PCDH15: variants seen among roughly 807,000 people sequenced by gnomAD.
PCDH15 encodes the protein protocadherin-15.
In PCDH15, 129 loss-of-function variants were observed where a neutral mutation model predicts 178.5. The observed-to-expected ratio is 0.72, with a 90% CI of 0.63 to 0.84. The LOEUF (loss-of-function observed/expected upper bound fraction) is 0.84, where lower values mean the gene tolerates loss of function less well. Ranked by LOEUF, PCDH15 falls within the 40% of genes least tolerant of loss-of-function variation. The pLI is 0.00. For missense variants in PCDH15, 2,230 were observed against 2,099.9 expected, an observed-to-expected ratio of 1.06 and a Z score of -1.21; for synonymous variants, 800 against 732.0, an observed-to-expected ratio of 1.09 and a Z score of -1.50.
intron 3 of PCDH15, among the ~76,000 whole-genome samples, chr10:54,890,077 T>C (rs1396175296): frequency 1.3e-5 from 2 of 152,016 alleles, no homozygotes; most frequent in African/African-American, 2.4e-5. Context: ...TATATTCCCA[T>C]ATTGCACATA....
chr10:55,608,393 G>A (rs1589180932), intron 2 of PCDH15, among the ~76,000 whole-genome samples: 1 of 151,324 alleles, frequency 6.6e-6, no homozygotes, highest in Non-Finnish European at 1.5e-5. Context: ...CTGTGTTCCA[G>A]GACTCAAGAA....
At chr10:55,498,809 A>G (rs1347731933) in intron 2 of PCDH15, among the ~76,000 whole-genome samples, 1 of 151,796 alleles carries the variant, frequency 6.6e-6, no homozygotes, top group African/African-American at 2.4e-5. Context: ...ATGAGTTTGG[A>G]TAGGCTATCT....
At chr10:54,371,203 T>C (rs996000171) in intron 4 of PCDH15, among the ~76,000 whole-genome samples, 1 of 151,736 alleles carries the variant, frequency 6.6e-6, no homozygotes, top group Non-Finnish European at 1.5e-5. Flanking sequence ...TATCCTCCAA[T>C]TTGTAATAGA....
chr10:54,288,565 C>T (rs577638835), intron 8 of PCDH15, among the ~76,000 whole-genome samples: 52 of 152,238 alleles, frequency 3.4e-4, no homozygotes, highest in Admixed American at 9.1e-4. Flanking sequence ...GGGGTGTCAC[C>T]TCACCCAGGA....
intron 4 of PCDH15, 99 bp from the exon 5 acceptor site, chr10:54,369,374 G>T: frequency 9.4e-7 from 1 of 1,069,432 alleles, no homozygotes; most frequent in South Asian, 1.4e-5. Context: ...TTCTATTCTT[G>T]TTTATTTTTA....
intron 2 of PCDH15, among the ~76,000 whole-genome samples, chr10:55,529,602 T>C (rs1841397193): frequency 1.3e-5 from 2 of 151,280 alleles, no homozygotes; most frequent in Non-Finnish European, 2.9e-5. Context: ...ATCACTTTAC[T>C]TTTAGGATCA....
chr10:54,752,205 G>A (rs776380361), intron 1 of PCDH15, among the ~76,000 whole-genome samples: 35 of 152,076 alleles, frequency 2.3e-4, no homozygotes, highest in Non-Finnish European at 3.4e-4. Context: ...GGCCGGGCGC[G>A]GTGGCTCACG....
chr10:53,906,255 T>TC (rs1171515962), intron 25 of PCDH15, among the ~76,000 whole-genome samples: 1 of 148,832 alleles, frequency 6.7e-6, no homozygotes, highest in Non-Finnish European at 1.5e-5. Context: ...AGACTAGTCT[T>TC]CCTTTTTTTT....
chr10:55,579,705 C>G (rs1208346424), intron 2 of PCDH15, among the ~76,000 whole-genome samples: 1 of 152,136 alleles, frequency 6.6e-6, no homozygotes, highest in Non-Finnish European at 1.5e-5. Context: ...AAACATTATG[C>G]TAGGAATTGT....
chr10:54,694,403 A>G (rs1218595309), intron 1 of PCDH15, among the ~76,000 whole-genome samples: 2 of 152,104 alleles, frequency 1.3e-5, no homozygotes, highest in Non-Finnish European at 2.9e-5. Flanking sequence ...TAGAAAATCT[A>G]TGGAATAAAT....
intron 2 of PCDH15, among the ~76,000 whole-genome samples, chr10:55,606,982 T>G (rs1417594695): frequency 2.0e-5 from 3 of 150,756 alleles, no homozygotes; most frequent in African/African-American, 7.3e-5. Flanking sequence ...GGGAGAAAAT[T>G]TTCACAACCT....
intron 16 of PCDH15, among the ~76,000 whole-genome samples, chr10:54,087,818 C>A (rs2094538790): frequency 6.6e-6 from 1 of 152,142 alleles, no homozygotes; most frequent in Non-Finnish European, 1.5e-5. Flanking sequence ...AGGTGATTGG[C>A]TCATGGGGGC....
At chr10:55,476,541 T>C (rs554932125) in intron 2 of PCDH15, among the ~76,000 whole-genome samples, 22 of 152,130 alleles carry the variant, frequency 1.4e-4, no homozygotes, top group African/African-American at 4.8e-4. Flanking sequence ...TTGCCATGCA[T>C]ATAAAATATA....
At chr10:53,973,355 G>C (rs968959298) in intron 21 of PCDH15, among the ~76,000 whole-genome samples, 23 of 151,666 alleles carry the variant, frequency 1.5e-4, no homozygotes, top group Non-Finnish European at 3.4e-4. Flanking sequence ...TCGAGTTAAT[G>C]GGTGCAGCAC....
intron 6 of PCDH15, among the ~76,000 whole-genome samples, chr10:54,342,260 G>A (rs565752331): frequency 2.4e-4 from 36 of 152,288 alleles, no homozygotes; most frequent in Non-Finnish European, 4.7e-4. Context: ...GGTTTTCTGA[G>A]CTGGGACCAG....
In PCDH15 at chr10:54,185,084, C is replaced by T. The variant is rs763774432; in HGVS notation, c.1440+50G>A. 5 of 1,591,732 alleles carry T rather than the reference C, an allele frequency of 3.1e-6. No homozygotes were observed. The Middle Eastern group carries it at 5.0e-4, about 158-fold the overall frequency. The stretch of plus-strand genomic sequence containing the variant: ...TCTCTTTCAGTTCCATACAAACATA[C>T]ATACATACATTCATACATACATATG... On this transcript the variant is annotated intron_variant, in intron 12 of 37. Coordinates refer to ENST00000644397, the MANE Select transcript of PCDH15 (RefSeq NM_001384140.1).
intron 8 of PCDH15, among the ~76,000 whole-genome samples, chr10:54,296,066 A>C (rs1591645840): frequency 7.1e-6 from 1 of 140,456 alleles, no homozygotes. Context: ...AATGGCGTGA[A>C]CCCGGGAGGC....
chr10:54,367,046 T>C lies in PCDH15; in HGVS notation c.474+2074A>G, dbSNP rs934608525. 2.0e-5 allele frequency among the ~76,000 whole-genome samples: 3 copies of C among 152,134 alleles called. No homozygotes were observed. In the South Asian group the frequency reaches 6.2e-4, roughly 31 times the overall value. On this transcript the variant is annotated intron_variant, in intron 5 of 37. Coordinates refer to ENST00000644397, the MANE Select transcript of PCDH15 (RefSeq NM_001384140.1). Reference sequence around the variant, plus strand: ...ATCAATACATGTAAATATTGATTATTTCATAAAAATAAATCAAGTAAAAGA... The same window carrying C: ...ATCAATACATGTAAATATTGATTATCTCATAAAAATAAATCAAGTAAAAGA...
At chr10:54,788,962 A>G (rs531091746) in intron 1 of PCDH15, among the ~76,000 whole-genome samples, 142 of 152,000 alleles carry the variant, frequency 9.3e-4, no homozygotes, top group African/African-American at 3.3e-3. Context: ...GTCATTTCCT[A>G]TATGAAACTT....
Sources: gnomAD v4.1 joint callset for allele counts (sites outside exome capture counted in the v4.1 genomes callset) on GRCh38, gnomAD v4.1.1 for gene constraint, MANE v1.5 for transcripts, NCBI Gene and HGNC (gene_info 2026-07-23, HGNC 2026-07-21) for gene names.